RYR2: variants seen among roughly 807,000 people sequenced by gnomAD.
RYR2 encodes ryanodine receptor 2.
Under a neutral mutation model 601.1 loss-of-function variants are expected in RYR2, and 227 were observed. The observed-to-expected ratio is 0.38, with a 90% CI of 0.34 to 0.42. RYR2 has a LOEUF of 0.42. Among genes scored for constraint, RYR2 ranks in the 10% least tolerant of loss-of-function variants. RYR2 has a pLI of 1.00. For missense variants in RYR2, 4,646 were observed against 6,156.5 expected, an observed-to-expected ratio of 0.75 and a Z score of 8.21; for synonymous variants, 2,223 against 2,175.1, an observed-to-expected ratio of 1.02 and a Z score of -0.61.
chr1:237,652,947 C>T (rs925275857), intron 51 of RYR2, among the ~76,000 whole-genome samples: 1 of 152,012 alleles, frequency 6.6e-6, no homozygotes, highest in East Asian at 1.9e-4. Context: ...GACATGCAGT[C>T]CACTTTAATA....
At chr1:237,135,681 C>T (rs1022575299) in intron 1 of RYR2, among the ~76,000 whole-genome samples, 19 of 152,096 alleles carry the variant, frequency 1.2e-4, no homozygotes, top group Non-Finnish European at 2.2e-4. Flanking sequence ...CGGCCCCCCT[C>T]GTTGGTTTTA....
chr1:237,245,056 A>T (rs1572340683), intron 1 of RYR2, among the ~76,000 whole-genome samples: 1 of 152,274 alleles, frequency 6.6e-6, no homozygotes, highest in Middle Eastern at 3.4e-3. Flanking sequence ...AAATAAAAAA[A>T]AAATACTAAA....
intron 28 of RYR2, among the ~76,000 whole-genome samples, chr1:237,567,074 G>A (rs527315215): frequency 2.0e-5 from 3 of 151,108 alleles, no homozygotes; most frequent in South Asian, 4.2e-4. Flanking sequence ...TTGACGCAGC[G>A]ATTCCGTATC....
chr1:237,675,930 A>C (rs888981579), intron 60 of RYR2, among the ~76,000 whole-genome samples: 4 of 152,092 alleles, frequency 2.6e-5, no homozygotes, highest in Admixed American at 6.6e-5. Flanking sequence ...CTTACACTAC[A>C]AGCTAATTTA....
At chr1:237,230,917 A>G (rs1036910281) in intron 1 of RYR2, among the ~76,000 whole-genome samples, 1 of 120,450 alleles carries the variant, frequency 8.3e-6, no homozygotes, top group Non-Finnish European at 1.7e-5. Flanking sequence ...TGATAGAGAG[A>G]GACTCGTCTC....
intron 88 of RYR2, among the ~76,000 whole-genome samples, chr1:237,781,239 G>A (rs889025975): frequency 4.6e-5 from 7 of 152,048 alleles, no homozygotes; most frequent in African/African-American, 4.8e-5. Context: ...TAGTAGAGAC[G>A]GGTTTTTGCC....
At chr1:237,436,015 G>T (rs767804985) in intron 12 of RYR2, among the ~76,000 whole-genome samples, 2 of 152,142 alleles carry the variant, frequency 1.3e-5, no homozygotes, top group Non-Finnish European at 2.9e-5. Context: ...AAGGAAGAGA[G>T]AACCAAGAGC....
intron 3 of RYR2, among the ~76,000 whole-genome samples, chr1:237,335,590 T>C (rs890687170): frequency 8.5e-5 from 13 of 152,218 alleles, no homozygotes; most frequent in African/African-American, 3.1e-4. Context: ...CTTTCTGTCT[T>C]TCGGGTGAAT....
At chr1:237,161,914 G>A (rs528156766) in intron 1 of RYR2, among the ~76,000 whole-genome samples, 6 of 152,250 alleles carry the variant, frequency 3.9e-5, no homozygotes, top group South Asian at 4.1e-4. Context: ...TAGCAAATAC[G>A]TCAAATCTTT....
At chr1:237,516,170 A>T (rs1468608108) in intron 24 of RYR2, among the ~76,000 whole-genome samples, 1 of 151,946 alleles carries the variant, frequency 6.6e-6, no homozygotes, top group African/African-American at 2.4e-5. Context: ...GAGTGCAGTT[A>T]CGCGATCTCA....
intron 1 of RYR2, among the ~76,000 whole-genome samples, chr1:237,096,480 G>T (rs1572618694): frequency 6.6e-6 from 1 of 152,290 alleles, no homozygotes; most frequent in South Asian, 2.1e-4. Context: ...GAAACTTTGA[G>T]TACACAGGAC....
chr1:237,302,141 A>G (rs2149456892), intron 2 of RYR2, among the ~76,000 whole-genome samples: 1 of 152,306 alleles, frequency 6.6e-6, no homozygotes, highest in African/African-American at 2.4e-5. Flanking sequence ...TAGAGTGATC[A>G]TTAATGACAT....
At chr1:237,755,812 A>T (rs1337272185) in intron 80 of RYR2, among the ~76,000 whole-genome samples, 4 of 152,112 alleles carry the variant, frequency 2.6e-5, no homozygotes, top group Non-Finnish European at 4.4e-5. Flanking sequence ...ATCAGCTTTC[A>T]ATTTTACTTA....
chr1:237,309,724 C>CG (rs921938328), intron 2 of RYR2, among the ~76,000 whole-genome samples: 1 of 151,724 alleles, frequency 6.6e-6, no homozygotes, highest in East Asian at 1.9e-4. Flanking sequence ...AGCCCATGGC[C>CG]GGGGGGAGGC....
intron 1 of RYR2, among the ~76,000 whole-genome samples, chr1:237,164,974 CTT>C (rs33976720): frequency 1.0e-3 from 150 of 148,476 alleles, no homozygotes; most frequent in East Asian, 1.6e-3. Flanking sequence ...GCTGTTTATT[CTT>C]TTTTTTTTTT....
intron 7 of RYR2, among the ~76,000 whole-genome samples, chr1:237,376,352 G>A (rs1028828122): frequency 2.0e-5 from 3 of 152,134 alleles, no homozygotes; most frequent in African/African-American, 7.2e-5. Context: ...AAATGAATTT[G>A]TGGTGAGGGC....
chr1:237,551,613 C>G (rs190291434), intron 27 of RYR2, among the ~76,000 whole-genome samples: 1 of 151,024 alleles, frequency 6.6e-6, no homozygotes, highest in Non-Finnish European at 1.5e-5. Context: ...TAGTTTAATA[C>G]CCATTTTCAA....
chr1:237,704,414 A>T (rs893585210), intron 66 of RYR2, among the ~76,000 whole-genome samples: 1 of 152,152 alleles, frequency 6.6e-6, no homozygotes, highest in Non-Finnish European at 1.5e-5. Flanking sequence ...TAAAACCATC[A>T]TGTAAAGTAA....
rs115538152 is a variant in RYR2 at position 237,457,894 on chromosome 1, G to T, written c.1612+1159G>T. On this transcript the variant is annotated intron_variant, in intron 16 of 104. Transcript: ENST00000366574. ...TACATCACTTCCCTGTTTAGACATT[G>T]TTCACATTTCTATATCATTCTAGAA... Among the ~76,000 whole-genome samples the T allele has an allele frequency of 2.3e-3, 349 of 152,190 alleles. 2 individuals carry two copies. Among genetic ancestry groups the T allele is most frequent in the African/African-American group, 7.4e-3 (307 of 41,520 alleles).
Sources: allele counts gnomAD v4.1 joint callset (sites outside exome capture counted in the v4.1 genomes callset), GRCh38; gene constraint gnomAD v4.1.1; transcripts MANE v1.5; gene names NCBI Gene and HGNC (gene_info 2026-07-23, HGNC 2026-07-21).